Variants in APOBEC3D observed in about 807,000 individuals in gnomAD.
The protein encoded by APOBEC3D is DNA dC->dU-editing enzyme APOBEC-3D.
Under a neutral mutation model 45.6 loss-of-function variants are expected in APOBEC3D, and 37 were observed. That is an observed-to-expected ratio of 0.81 (90% CI 0.62 to 1.07). The LOEUF is 1.07. APOBEC3D is among the 50% of genes least tolerant of loss of function. The pLI is 0.00. For synonymous variants in APOBEC3D, 175 were observed against 180.7 expected (o/e 0.97, Z 0.25); for missense variants, 496 against 495.3 (o/e 1.00, Z -0.01).
chr22:39,025,381 G>C (rs368930676), intron 3 of APOBEC3D, 32 bp downstream of exon 3: 16 of 1,612,128 alleles, frequency 9.9e-6, no homozygotes, highest in Non-Finnish European at 1.4e-5. Context: ...GGAGCATGAC[G>C]GGGAGGAACA....
chr22:39,024,697 G>C (rs1304880518), intron 2 of APOBEC3D, among the ~76,000 whole-genome samples: 5 of 152,118 alleles, frequency 3.3e-5, no homozygotes, highest in East Asian at 1.9e-4. Context: ...CGAGTCACTG[G>C]TGCTCCGTGA....
intron 2 of APOBEC3D, among the ~76,000 whole-genome samples, chr22:39,023,532 C>T (rs1263071304): frequency 5.3e-5 from 8 of 151,410 alleles, no homozygotes; most frequent in Admixed American, 1.3e-4. Context: ...ATTCAACTTC[C>T]GCCTCCTGGG....
chr22:39,027,533 C>T (rs1184001212), intron 4 of APOBEC3D, among the ~76,000 whole-genome samples: 2 of 152,168 alleles, frequency 1.3e-5, no homozygotes, highest in African/African-American at 2.4e-5. Flanking sequence ...ACTCACAGCG[C>T]AGGTGTCTCC....
chr22:39,023,773 C>T (rs59282544), intron 2 of APOBEC3D, among the ~76,000 whole-genome samples: 1,640 of 152,052 alleles, frequency 0.011, 36 homozygotes, highest in African/African-American at 0.037. Flanking sequence ...TTCTTAAGTC[C>T]GTGGCCCAGA....
intron 1 of APOBEC3D, 116 bp downstream of exon 1, chr22:39,021,652 C>T: frequency 7.0e-7 from 1 of 1,432,690 alleles, no homozygotes; most frequent in South Asian, 1.2e-5. Flanking sequence ...TTCCTTCCCT[C>T]TGGCTTCCCT....
Position 39,029,494 on chromosome 22 carries a change from G to C in APOBEC3D, c.737G>C (p.Arg246Pro), listed in dbSNP as rs368483208. 12 of 1,614,038 alleles carry C rather than the reference G, an allele frequency of 7.4e-6. No individual in the cohort carries two copies. The highest frequency in any genetic ancestry group is 1.0e-5 in the Non-Finnish European group (12 of 1,180,028). ...EVTKHHSAVF[R>P]KRGVFRNQVD... The stretch of plus-strand genomic sequence containing the variant: ...ACAAAGCACCACTCAGCTGTCTTCC[G>C]GAAGAGGGGCGTCTTCCGAAACCAG... The change falls in exon 5 of 7, where the codon CGG becomes CCG. Residue 246 changes from arginine to proline, a missense_variant. Coordinates refer to ENST00000216099, the MANE Select transcript of APOBEC3D (RefSeq NM_152426.4).
At position 39,029,512 on chromosome 22, in the gene APOBEC3D, G is replaced by T. The variant is rs751927064; in HGVS notation, c.755G>T (p.Arg252Leu). ...SAVFRKRGVF[R>L]NQVDPETHCH... ...GTCTTCCGGAAGAGGGGCGTCTTCCGAAACCAGGTAGCACCAAAGTCCTAT... is the reference window on the plus strand; with the variant it reads ...GTCTTCCGGAAGAGGGGCGTCTTCCTAAACCAGGTAGCACCAAAGTCCTAT... Residue 252 changes from arginine (R) to leucine (L), a missense_variant, in exon 5 of 7, where the codon CGA (arginine) becomes CTA (leucine). By Grantham distance (102) the Arg-to-Leu change is moderately radical. Coordinates refer to ENST00000216099, the MANE Select transcript of APOBEC3D (RefSeq NM_152426.4). 4 of 1,614,164 alleles carry T rather than the reference G, an allele frequency of 2.5e-6. No individual in the cohort carries two copies. The South Asian group carries it at 4.4e-5, about 18-fold the overall frequency.
At chr22:39,032,040 A>T (rs1926275824) in intron 6 of APOBEC3D, 67 bp downstream of exon 6, 1 of 1,602,568 alleles carries the variant, frequency 6.2e-7, no homozygotes, top group African/African-American at 1.3e-5. Context: ...TGGGTCTGCA[A>T]TGCCGTGGGG....
rs1925078657 is a variant in APOBEC3D at position 39,021,304 on chromosome 22, C to T, written c.-216C>T. ...TGTATTTTTAGTAGAGACGGGGTTT[C>T]TCCATGTTGGTCAGGCTGGTCTCGA... On this transcript the variant is annotated 5_prime_UTR_variant, in exon 1 of 7. Coordinates refer to ENST00000216099, the MANE Select transcript of APOBEC3D (RefSeq NM_152426.4). 1 of 536,354 alleles carries T rather than the reference C, an allele frequency of 1.9e-6. No homozygotes were observed. Among genetic ancestry groups the T allele is most frequent in the Admixed American group, 3.0e-5 (1 of 32,798 alleles). The allele number at this position is 536,354 out of a possible 1,614,324, so 33.2% of individuals were successfully genotyped here.
intron 2 of APOBEC3D, among the ~76,000 whole-genome samples, chr22:39,024,610 G>A (rs1413233469): frequency 1.3e-5 from 2 of 152,158 alleles, no homozygotes; most frequent in East Asian, 1.9e-4. Context: ...CAGGGCCTGC[G>A]AGCTGCACAG....
At chr22:39,023,695 CAA>C in intron 2 of APOBEC3D, among the ~76,000 whole-genome samples, 1 of 151,988 alleles carries the variant, frequency 6.6e-6, no homozygotes, top group East Asian at 1.9e-4. Context: ...GTGATCCACC[CAA>C]CTCGGCCTCT....
At chr22:39,026,078 G>A (rs1358322492) in intron 4 of APOBEC3D, among the ~76,000 whole-genome samples, 2 of 152,270 alleles carry the variant, frequency 1.3e-5, no homozygotes, top group African/African-American at 4.8e-5. Context: ...GAGCCCCTGA[G>A]AAGGAGCCGC....
rs370986295 is a variant in APOBEC3D, at chr22:39,023,672, C to T, written c.210+658C>T. ...CCATGTTGTCCAGGCTGGTCTTGAC[C>T]TCCTGACCTCAGGTGATCCACCCAA... On this transcript the variant is annotated intron_variant, in intron 2 of 6. Transcript: ENST00000216099. Among the ~76,000 whole-genome samples, 251 of 152,162 alleles carry T rather than the reference C, an allele frequency of 1.6e-3. 1 individual carries two copies. The highest frequency in any genetic ancestry group is 5.8e-3 in the African/African-American group (241 of 41,532).
chr22:39,032,476 C>T lies in APOBEC3D; in HGVS notation c.*160C>T, dbSNP rs1228094250. 6.9e-7 allele frequency: 1 copy of T among 1,442,812 alleles called. No individual in the cohort carries two copies. Among genetic ancestry groups the T allele is most frequent in the Non-Finnish European group, 9.1e-7 (1 of 1,104,208 alleles). 89.4% of individuals were successfully genotyped at this position (1,442,812 alleles called of 1,614,324 possible). ...GTGCCCCCCTGCCTCACCACCTCCT[C>T]CCCGCTCTCCCAGGCTCTTCTTGTA... On this transcript the variant is annotated 3_prime_UTR_variant, in exon 7 of 7. Coordinates refer to ENST00000216099, the MANE Select transcript of APOBEC3D (RefSeq NM_152426.4).
chr22:39,032,088 C>T (rs1470791602), intron 6 of APOBEC3D, 110 bp from the exon 7 acceptor site: 23 of 1,581,256 alleles, frequency 1.5e-5, no homozygotes, highest in African/African-American at 4.0e-5. Context: ...GGGATGGGGC[C>T]GGCGCCAGCT....
chr22:39,029,227 TG>T, intron 4 of APOBEC3D, 135 bp from the exon 5 acceptor site: 1 of 1,034,920 alleles, frequency 9.7e-7, no homozygotes, highest in Non-Finnish European at 1.4e-6. Context: ...TCTTCCTGCC[TG>T]GGAAAGCAGC....
At chr22:39,029,553 G>C (rs985442811) in intron 5 of APOBEC3D, 34 bp downstream of exon 5, 2 of 1,611,782 alleles carry the variant, frequency 1.2e-6, no homozygotes, top group Non-Finnish European at 8.5e-7. Flanking sequence ...CCCTAAATAG[G>C]AGCTAAGCAG....
At position 39,031,750 on chromosome 22, in the gene APOBEC3D, C is replaced by T. The variant is rs201301308; in HGVS notation, c.819C>T (p.Asp273=). The T allele has an allele frequency of 3.5e-4, 559 of 1,613,446 alleles. 1 individual carries two copies. Among genetic ancestry groups the T allele is most frequent in the Admixed American group, 5.3e-4 (32 of 59,988 alleles). The change falls in exon 6 of 7, where the codon GAC becomes GAT. Residue 273 remains aspartate, a synonymous_variant. Transcript: ENST00000216099. The part of the protein sequence containing the change: ...AERCFLSWFC[D]DILSPNTNYE... ...GGTGCTTCCTCTCTTGGTTCTGTGA[C>T]GACATACTGTCTCCTAACACAAACT...
At chr22:39,022,071 G>A (rs1200446751) in intron 1 of APOBEC3D, among the ~76,000 whole-genome samples, 1 of 152,200 alleles carries the variant, frequency 6.6e-6, no homozygotes, top group East Asian at 1.9e-4. Flanking sequence ...CCACTCCAAG[G>A]TCACTCTTCA....
Sources: allele counts gnomAD v4.1 joint callset (sites outside exome capture counted in the v4.1 genomes callset), GRCh38; gene constraint gnomAD v4.1.1; transcripts MANE v1.5; gene names NCBI Gene and HGNC (gene_info 2026-07-23, HGNC 2026-07-21).